CACNB4: variants seen among roughly 807,000 people sequenced by gnomAD.
The protein encoded by CACNB4 is voltage-dependent L-type calcium channel subunit beta-4.
Under a neutral mutation model 71.2 loss-of-function variants are expected in CACNB4, and 32 were observed. The observed-to-expected ratio is 0.45, with a 90% CI of 0.34 to 0.60. The LOEUF (loss-of-function observed/expected upper bound fraction) is 0.60. CACNB4 is among the 20% of genes least tolerant of loss of function. The pLI, the probability that CACNB4 is intolerant of heterozygous loss-of-function variation, is 0.01. For missense variants in CACNB4, 464 were observed against 647.9 expected, an observed-to-expected ratio of 0.72 and a Z score of 3.08; for synonymous variants, 231 against 236.9, an observed-to-expected ratio of 0.97 and a Z score of 0.23.
rs79975533 is a variant in CACNB4 at position 151,941,770 on chromosome 2, C to T, written c.148-58400G>A. 2.3e-3 allele frequency among the ~76,000 whole-genome samples: 351 copies of T among 152,252 alleles called. 2 individuals carry two copies. The highest frequency in any genetic ancestry group is 8.1e-3 in the African/African-American group (335 of 41,558). ...CAAGTAATGTACAAACAATGCAAAG[C>T]ACCTTAAGGTTATGTGCTAAATTGT... On this transcript the variant is annotated intron_variant, in intron 2 of 13. Transcript: ENST00000539935.
At chr2:152,083,693 C>G (rs887369353) in intron 2 of CACNB4, among the ~76,000 whole-genome samples, 2 of 152,184 alleles carry the variant, frequency 1.3e-5, no homozygotes, top group Non-Finnish European at 2.9e-5. Flanking sequence ...TTTGCGGTAG[C>G]CAATTTGTGC....
At chr2:152,030,247 T>C (rs1419098822) in intron 2 of CACNB4, among the ~76,000 whole-genome samples, 2 of 152,226 alleles carry the variant, frequency 1.3e-5, no homozygotes, top group Non-Finnish European at 2.9e-5. Flanking sequence ...GACATGTTTG[T>C]TAAGACAAAA....
chr2:152,061,526 G>T (rs1361409901), intron 2 of CACNB4, among the ~76,000 whole-genome samples: 1 of 151,368 alleles, frequency 6.6e-6, no homozygotes, highest in Non-Finnish European at 1.5e-5. Context: ...AAAACTTTGT[G>T]AAGTAAAAAG....
intron 2 of CACNB4, among the ~76,000 whole-genome samples, chr2:152,067,239 T>C (rs989386482): frequency 6.6e-6 from 1 of 152,212 alleles, no homozygotes; most frequent in African/African-American, 2.4e-5. Flanking sequence ...AATGGACACA[T>C]GCTTCTGCAT....
intron 12 of CACNB4, among the ~76,000 whole-genome samples, chr2:151,846,351 TAA>T (rs1046145270): frequency 7.2e-5 from 11 of 152,216 alleles, no homozygotes; most frequent in Non-Finnish European, 1.5e-4. Flanking sequence ...GGAAGATATA[TAA>T]AGACACTGGG....
chr2:151,899,226 C>A (rs1184133472), intron 2 of CACNB4, among the ~76,000 whole-genome samples: 1 of 152,208 alleles, frequency 6.6e-6, no homozygotes, highest in South Asian at 2.1e-4. Context: ...AGTACTTTAA[C>A]AGAGAGTTTA....
chr2:152,079,126 T>C (rs1275587815), intron 2 of CACNB4, among the ~76,000 whole-genome samples: 1 of 152,090 alleles, frequency 6.6e-6, no homozygotes, highest in Non-Finnish European at 1.5e-5. Flanking sequence ...TCTCACTCTG[T>C]CGCCCAGGCT....
intron 2 of CACNB4, among the ~76,000 whole-genome samples, chr2:152,044,951 T>C (rs1040102654): frequency 6.6e-6 from 1 of 150,476 alleles, no homozygotes; most frequent in Non-Finnish European, 1.5e-5. Context: ...AAAGAGAAGA[T>C]GGGGAAGAGA....
At chr2:152,028,073 C>T (rs1214457978) in intron 2 of CACNB4, among the ~76,000 whole-genome samples, 1 of 152,078 alleles carries the variant, frequency 6.6e-6, no homozygotes, top group African/African-American at 2.4e-5. Flanking sequence ...TCTACAAGGG[C>T]AATCACAAGA....
intron 2 of CACNB4, among the ~76,000 whole-genome samples, chr2:151,899,658 G>A (rs536743852): frequency 2.6e-5 from 4 of 152,266 alleles, no homozygotes; most frequent in East Asian, 1.9e-4. Flanking sequence ...GTGAACTGTC[G>A]CTAGGTACTA....
rs1393837883 is a variant in CACNB4 at position 151,937,233 on chromosome 2, TCTC to T, written c.148-53866_148-53864del. Among the ~76,000 whole-genome samples the T allele has an allele frequency of 6.6e-5, 10 of 152,308 alleles. 1 individual carries two copies. Among genetic ancestry groups the T allele is most frequent in the African/African-American group, 2.2e-4 (9 of 41,566 alleles). ...AATAACTATATGCCAGGAAGGCTCT[TCTC>T]CTTTCCAATCCCCCTCTCCATCAAA... On this transcript the variant is annotated intron_variant, in intron 2 of 13. Coordinates refer to ENST00000539935, the MANE Select transcript of CACNB4 (RefSeq NM_000726.5).
rs1408757800 is a variant in CACNB4, at chr2:151,973,689, C to T, written c.148-90319G>A. 6 of 1,613,514 alleles carry T rather than the reference C, an allele frequency of 3.7e-6. No individual in the cohort carries two copies. In the African/African-American group the frequency reaches 5.3e-5, roughly 14 times the overall value. On this transcript the variant is annotated intron_variant, in intron 2 of 13. Transcript: ENST00000539935. ...CTTACAGCCTCCGAGTCTTCAATTCCATGCAGGTACAAATTGTCATACATG... is the reference window on the plus strand; with the variant it reads ...CTTACAGCCTCCGAGTCTTCAATTCTATGCAGGTACAAATTGTCATACATG...
Position 152,091,476 on chromosome 2 carries a change from AATACAAAAAT to A in CACNB4, c.147+6844_147+6853del, listed in dbSNP as rs1160113417. Among the ~76,000 whole-genome samples, 86 of 152,186 alleles carry A rather than the reference AATACAAAAAT, an allele frequency of 5.7e-4. No individual in the cohort carries two copies. The South Asian group carries it at 6.6e-3, about 12-fold the overall frequency. On this transcript the variant is annotated intron_variant, in intron 2 of 13. Coordinates refer to ENST00000539935, the MANE Select transcript of CACNB4 (RefSeq NM_000726.5). ...ATGGTGAAACCTGGTCTCTACTAAA[AATACAAAAAT>A]TAGCCAGATGCGGTGGCATGCACCT...
At chr2:151,998,686 T>A (rs1323660049) in intron 2 of CACNB4, among the ~76,000 whole-genome samples, 1 of 152,202 alleles carries the variant, frequency 6.6e-6, no homozygotes, top group African/African-American at 2.4e-5. Context: ...GGACCAGCAA[T>A]GCATACAGCC....
At chr2:151,953,522 G>A (rs2099867457) in intron 2 of CACNB4, among the ~76,000 whole-genome samples, 1 of 152,202 alleles carries the variant, frequency 6.6e-6, no homozygotes, top group Admixed American at 6.5e-5. Context: ...TAGAAAATGT[G>A]TGACAAAAAT....
chr2:152,067,397 G>T (rs1020887794), intron 2 of CACNB4, among the ~76,000 whole-genome samples: 2 of 150,764 alleles, frequency 1.3e-5, no homozygotes, highest in South Asian at 2.1e-4. Flanking sequence ...GTGGGGGGGG[G>T]GGTGCCTCTC....
At chr2:151,881,995 C>T (rs145146475) in intron 3 of CACNB4, among the ~76,000 whole-genome samples, 238 of 150,794 alleles carry the variant, frequency 1.6e-3, no homozygotes, top group African/African-American at 5.6e-3. Flanking sequence ...ATTCTCTTGC[C>T]TCTGCCTCCC....
chr2:152,083,839 A>G (rs894170273), intron 2 of CACNB4, among the ~76,000 whole-genome samples: 1 of 152,200 alleles, frequency 6.6e-6, no homozygotes, highest in African/African-American at 2.4e-5. Flanking sequence ...CTTTCTGCCC[A>G]GGCACCAGTG....
At position 152,076,475 on chromosome 2, in the gene CACNB4, G is replaced by C. The variant is rs941345807; in HGVS notation, c.147+21855C>G. On this transcript the variant is annotated intron_variant, in intron 2 of 13. Coordinates refer to ENST00000539935, the MANE Select transcript of CACNB4 (RefSeq NM_000726.5). Reference sequence around the variant, plus strand: ...CTGCGCCTGGCCGCTTTTCATTTTTGTCCATGCAAGAAGTCACTGTAGTTT... The same window carrying C: ...CTGCGCCTGGCCGCTTTTCATTTTTCTCCATGCAAGAAGTCACTGTAGTTT... Among the ~76,000 whole-genome samples the C allele has an allele frequency of 3.3e-5, 5 of 151,848 alleles. No individual in the cohort carries two copies. In the East Asian group the frequency reaches 9.7e-4, roughly 30 times the overall value.
Sources: gnomAD v4.1 joint callset for allele counts (sites outside exome capture counted in the v4.1 genomes callset) on GRCh38, gnomAD v4.1.1 for gene constraint, MANE v1.5 for transcripts, NCBI Gene and HGNC (gene_info 2026-07-23, HGNC 2026-07-21) for gene names.